The following LHX4 variants were observed in gnomAD, a reference collection of about 807,000 sequenced individuals.
The protein encoded by LHX4 is LIM homeobox 4, also known as LIM/homeobox protein Lhx4.
In LHX4, 16 loss-of-function variants were observed where a neutral mutation model predicts 39.2. The observed-to-expected ratio is 0.41, with a 90% CI of 0.28 to 0.62. The LOEUF is 0.62. Among genes scored for constraint, LHX4 ranks in the 20% least tolerant of loss-of-function variants. LHX4 has a pLI of 0.33. For missense variants in LHX4, 439 were observed against 511.9 expected, an observed-to-expected ratio of 0.86 and a Z score of 1.37; for synonymous variants, 206 against 198.1, an observed-to-expected ratio of 1.04 and a Z score of -0.33.
intron 2 of LHX4, among the ~76,000 whole-genome samples, chr1:180,251,895 C>G (rs918622351): frequency 9.8e-5 from 15 of 152,316 alleles, no homozygotes; most frequent in Middle Eastern, 6.8e-3. Context: ...GAGTTCAAAG[C>G]TGAAGTGATT....
chr1:180,231,003 A>T (rs1664162823), intron 1 of LHX4, among the ~76,000 whole-genome samples: 1 of 152,028 alleles, frequency 6.6e-6, no homozygotes, highest in South Asian at 2.1e-4. Flanking sequence ...CGCTAGTGCA[A>T]CTTCACCCCA....
intron 2 of LHX4, among the ~76,000 whole-genome samples, chr1:180,257,875 G>A (rs1484463795): frequency 1.3e-5 from 2 of 152,224 alleles, no homozygotes; most frequent in Non-Finnish European, 2.9e-5. Flanking sequence ...TCCCAGAGGA[G>A]AGGCACTGAG....
chr1:180,229,468 C>T (rs1039262524), upstream of LHX4, among the ~76,000 whole-genome samples: 16 of 152,146 alleles, frequency 1.1e-4, no homozygotes, highest in African/African-American at 3.1e-4. Context: ...GCCCCTGGTC[C>T]CCTTCCCCAG....
intron 2 of LHX4, among the ~76,000 whole-genome samples, chr1:180,250,254 T>C (rs1647565036): frequency 6.6e-6 from 1 of 152,018 alleles, no homozygotes. Flanking sequence ...TTTTCCTTCC[T>C]CTATGATGTC....
At chr1:180,238,287 A>G (rs1664371313) in intron 1 of LHX4, among the ~76,000 whole-genome samples, 1 of 152,246 alleles carries the variant, frequency 6.6e-6, no homozygotes, top group Non-Finnish European at 1.5e-5. Flanking sequence ...AGCAAACAGT[A>G]AAAGTGGGAA....
rs548879692 is a variant in LHX4, at chr1:180,261,036, TAA to T, written c.249-5354_249-5353del. ...TGTGATGGCGACAGCAAGTGGGATGTAAAGTCTTGTGGTTTAGTAAACCATGG... is the reference window on the plus strand; with the variant it reads ...TGTGATGGCGACAGCAAGTGGGATGTAGTCTTGTGGTTTAGTAAACCATGG... On this transcript the variant is annotated intron_variant, in intron 2 of 5. Coordinates refer to ENST00000263726, the MANE Select transcript of LHX4 (RefSeq NM_033343.4). Among the ~76,000 whole-genome samples the T allele has an allele frequency of 4.0e-3, 613 of 152,042 alleles. 21 individuals are homozygous for T. Among genetic ancestry groups the T allele is most frequent in the African/African-American group, 0.014 (595 of 41,288 alleles).
chr1:180,229,933 C>A (rs1664125904), upstream of LHX4, among the ~76,000 whole-genome samples: 3 of 88,000 alleles, frequency 3.4e-5, no homozygotes, highest in Non-Finnish European at 6.4e-5. Context: ...GAGCCCGCCA[C>A]GGCTGGGCGG....
In LHX4 at chr1:180,274,710, G is replaced by T; in HGVS notation, c.*131G>T. On this transcript the variant is annotated 3_prime_UTR_variant, in exon 6 of 6. Transcript: ENST00000263726. ...CCATTATTTTCAATGGAAGTCCTCC[G>T]CTGATTCCTAGAAGGCTGTGAGACC... 1 of 1,116,788 alleles carries T rather than the reference G, an allele frequency of 9.0e-7. No individual in the cohort carries two copies. The highest frequency in any genetic ancestry group is 1.3e-6 in the Non-Finnish European group (1 of 793,694). 69.2% of individuals were successfully genotyped at this position (1,116,788 alleles called of 1,614,324 possible).
chr1:180,266,271 G>A lies in LHX4; in HGVS notation c.249-121G>A, dbSNP rs542271080. On this transcript the variant is annotated intron_variant, in intron 2 of 5. Transcript: ENST00000263726. This position sits in a 1 kb window ranked among gnomAD's most constrained non-coding sequence, Gnocchi z 5.7. Reference sequence around the variant, plus strand: ...ACCAGACGGTAAGCTCTGGGTGACTGGGGGGTGAGGCTCATGGAGTCCCGG... The same window carrying A: ...ACCAGACGGTAAGCTCTGGGTGACTAGGGGGTGAGGCTCATGGAGTCCCGG... 4.7e-5 allele frequency: 43 copies of A among 907,892 alleles called. 1 individual carries two copies. Among genetic ancestry groups the A allele is most frequent in the African/African-American group, 4.2e-4 (26 of 61,666 alleles). 56.2% of individuals were successfully genotyped at this position (907,892 alleles called of 1,614,324 possible).
At chr1:180,238,696 G>A (rs376909816) in intron 1 of LHX4, among the ~76,000 whole-genome samples, 26 of 152,300 alleles carry the variant, frequency 1.7e-4, no homozygotes, top group African/African-American at 6.3e-4. Context: ...AATCCCTTAA[G>A]AGGAATTTTA....
intron 1 of LHX4, among the ~76,000 whole-genome samples, chr1:180,236,902 G>A (rs1571256815): frequency 6.6e-6 from 1 of 152,344 alleles, no homozygotes; most frequent in Non-Finnish European, 1.5e-5. Flanking sequence ...TGGCTGCATA[G>A]ACGGCTGAAT....
At chr1:180,268,348 T>TCACCCA (rs1648422794) in intron 3 of LHX4, among the ~76,000 whole-genome samples, 1 of 152,178 alleles carries the variant, frequency 6.6e-6, no homozygotes, top group Non-Finnish European at 1.5e-5. Flanking sequence ...TGTGGGTGGT[T>TCACCCA]CAAGAGACAA....
chr1:180,229,902 C>T (rs1442986987), upstream of LHX4, among the ~76,000 whole-genome samples: 1 of 145,988 alleles, frequency 6.8e-6, no homozygotes. Flanking sequence ...AGGCCATCAG[C>T]AGAATTTATA....
chr1:180,261,558 G>A (rs1037554643), intron 2 of LHX4, among the ~76,000 whole-genome samples: 5 of 152,158 alleles, frequency 3.3e-5, no homozygotes, highest in Non-Finnish European at 5.9e-5. Context: ...AGGAGGCCGA[G>A]GTGGGAAGAC....
intron 2 of LHX4, among the ~76,000 whole-genome samples, chr1:180,259,332 C>T (rs1648005623): frequency 6.6e-6 from 1 of 152,012 alleles, no homozygotes; most frequent in African/African-American, 2.4e-5. Flanking sequence ...AATGCCTGTA[C>T]ATGGATGGAA....
intron 2 of LHX4, chr1:180,248,702 G>A: frequency 1.8e-6 from 1 of 554,292 alleles, no homozygotes; most frequent in South Asian, 2.0e-5. Flanking sequence ...TGAGGAGCCA[G>A]AGGCCTTGGG....
chr1:180,231,969 A>C (rs355627), intron 1 of LHX4, among the ~76,000 whole-genome samples: 83,173 of 151,904 alleles, frequency 0.55, 24,934 homozygotes, highest in African/African-American at 0.81. Context: ...TTATTCTTTG[A>C]GTGTTTTCGT....
intron 1 of LHX4, among the ~76,000 whole-genome samples, chr1:180,245,273 G>T (rs1194336994): frequency 1.3e-5 from 2 of 152,202 alleles, no homozygotes; most frequent in African/African-American, 4.8e-5. Context: ...ACTTTCTCCT[G>T]CTTCAGACTG....
intron 2 of LHX4, among the ~76,000 whole-genome samples, chr1:180,249,858 C>T (rs1647533957): frequency 6.9e-6 from 1 of 144,400 alleles, no homozygotes; most frequent in Non-Finnish European, 1.5e-5. Flanking sequence ...CAGATATGTG[C>T]TGCTCCCTAC....
Sources: gnomAD v4.1 joint callset for allele counts (sites outside exome capture counted in the v4.1 genomes callset) on GRCh38, gnomAD v4.1.1 for gene constraint, Gnocchi (gnomAD v3.1) non-coding constraint, MANE v1.5 for transcripts, NCBI Gene and HGNC (gene_info 2026-07-23, HGNC 2026-07-21) for gene names.